The following AFF3 variants were observed in gnomAD, a reference collection of about 807,000 sequenced individuals.
The protein encoded by AFF3 is ALF transcription elongation factor 3, also known as AF4/FMR2 family member 3.
A neutral mutation model predicts 129.7 loss-of-function variants in AFF3; 32 were observed. The ratio of observed to expected loss-of-function variants is 0.25; its 90% CI spans 0.19 to 0.33. The LOEUF (loss-of-function observed/expected upper bound fraction) is 0.33, where lower values mean the gene tolerates loss of function less well. Among genes scored for constraint, AFF3 ranks in the 10% least tolerant of loss-of-function variants. AFF3 has a pLI of 1.00. For synonymous variants in AFF3, 644 were observed against 635.4 expected (o/e 1.01, Z -0.20); for missense variants, 1,373 against 1,592.0 (o/e 0.86, Z 2.34).
chr2:100,036,973 C>T (rs2105010189), intron 4 of AFF3, among the ~76,000 whole-genome samples: 1 of 152,264 alleles, frequency 6.6e-6, no homozygotes, highest in Admixed American at 6.5e-5. Context: ...GTCTCATGCG[C>T]TCCTGGTGAC....
chr2:99,572,304 C>CT (rs1242023388), intron 18 of AFF3, among the ~76,000 whole-genome samples: 1 of 128,688 alleles, frequency 7.8e-6, no homozygotes, highest in African/African-American at 3.1e-5. Flanking sequence ...CCCCCCCCCC[C>CT]CCACCTAGAA....
intron 7 of AFF3, among the ~76,000 whole-genome samples, chr2:99,929,019 A>T (rs1399014745): frequency 2.0e-5 from 3 of 152,322 alleles, no homozygotes; most frequent in Middle Eastern, 3.4e-3. Context: ...CTTTTAAAGA[A>T]GTAAAAAAAG....
intron 8 of AFF3, among the ~76,000 whole-genome samples, chr2:99,802,170 A>C (rs1306331785): frequency 6.6e-6 from 1 of 152,228 alleles, no homozygotes; most frequent in African/African-American, 2.4e-5. Flanking sequence ...TTTTAACTAA[A>C]AACACAATTT....
intron 8 of AFF3, among the ~76,000 whole-genome samples, chr2:99,823,653 T>C (rs1687853654): frequency 6.6e-6 from 1 of 152,218 alleles, no homozygotes; most frequent in Non-Finnish European, 1.5e-5. Flanking sequence ...TGAGTAGTCA[T>C]ATGTTCTTTG....
At chr2:99,740,185 GCCAC>G (rs1310228675) in intron 10 of AFF3, among the ~76,000 whole-genome samples, 63 of 150,808 alleles carry the variant, frequency 4.2e-4, no homozygotes, top group African/African-American at 1.5e-3. Context: ...GTGTATATGT[GCCAC>G]ATTTTCTTAA....
chr2:99,613,903 T>C lies in AFF3; in HGVS notation c.1185-12282A>G, dbSNP rs952522800. 2.6e-5 allele frequency among the ~76,000 whole-genome samples: 4 copies of C among 152,248 alleles called. No individual in the cohort carries two copies. The South Asian group carries it at 6.2e-4, about 24-fold the overall frequency. ...AGTCTTGTTTGATCAAATAGTCATT[T>C]AGAAGAATGCTTTTCAATACCTGAT... On this transcript the variant is annotated intron_variant, in intron 13 of 24. Coordinates refer to ENST00000672756, the MANE Select transcript of AFF3 (RefSeq NM_001386135.1).
intron 7 of AFF3, among the ~76,000 whole-genome samples, chr2:99,984,164 A>C (rs190148833): frequency 1.8e-4 from 27 of 152,304 alleles, no homozygotes; most frequent in Admixed American, 1.8e-3. Flanking sequence ...AAAATGTGAA[A>C]CTTCAAGTGT....
intron 7 of AFF3, among the ~76,000 whole-genome samples, chr2:99,941,899 T>C (rs988353801): frequency 6.6e-6 from 1 of 152,228 alleles, no homozygotes; most frequent in South Asian, 2.1e-4. Flanking sequence ...CTATACTTCA[T>C]GGTATGTGAA....
chr2:100,050,432 C>T (rs956450614), intron 4 of AFF3, among the ~76,000 whole-genome samples: 4 of 151,986 alleles, frequency 2.6e-5, no homozygotes, highest in African/African-American at 7.2e-5. Flanking sequence ...TCTTGCAGTT[C>T]AAGACTCCTG....
chr2:99,582,441 T>A (rs1677661961), intron 17 of AFF3, among the ~76,000 whole-genome samples: 1 of 152,198 alleles, frequency 6.6e-6, no homozygotes, highest in Non-Finnish European at 1.5e-5. Context: ...CAATCCCAGA[T>A]TTAACTCTGC....
chr2:100,142,385 G>A (rs564914838), intron 1 of AFF3, 99 bp downstream of exon 1: 1 of 152,242 alleles, frequency 6.6e-6, no homozygotes, highest in African/African-American at 2.4e-5. Flanking sequence ...CATGGGCACA[G>A]CTACTTAGAG....
chr2:99,983,566 T>C (rs1198564946), intron 7 of AFF3, among the ~76,000 whole-genome samples: 1 of 152,234 alleles, frequency 6.6e-6, no homozygotes, highest in Non-Finnish European at 1.5e-5. Context: ...TTGTTTGCCA[T>C]CTGAGGGGAG....
At chr2:100,095,589 C>G (rs914338024) in intron 4 of AFF3, among the ~76,000 whole-genome samples, 1 of 152,114 alleles carries the variant, frequency 6.6e-6, no homozygotes, top group Non-Finnish European at 1.5e-5. Flanking sequence ...TCTGGAATAC[C>G]CCCCATTGTT....
chr2:99,943,386 T>G (rs1451866554), intron 7 of AFF3, among the ~76,000 whole-genome samples: 1 of 152,216 alleles, frequency 6.6e-6, no homozygotes, highest in East Asian at 1.9e-4. Context: ...ATCTTTTGAT[T>G]TAGTTACTAT....
At chr2:100,120,290 C>A (rs1573460508) in intron 2 of AFF3, among the ~76,000 whole-genome samples, 1 of 152,172 alleles carries the variant, frequency 6.6e-6, no homozygotes, top group South Asian at 2.1e-4. Context: ...ACAGAATTTA[C>A]CCCCATTAAG....
At chr2:99,669,090 A>T (rs1023813918) in intron 12 of AFF3, among the ~76,000 whole-genome samples, 1 of 152,174 alleles carries the variant, frequency 6.6e-6, no homozygotes, top group Admixed American at 6.5e-5. Flanking sequence ...GACTGGTACA[A>T]CCATTTTGGA....
chr2:99,876,749 T>C (rs771842292), intron 7 of AFF3, among the ~76,000 whole-genome samples: 6 of 152,170 alleles, frequency 3.9e-5, no homozygotes, highest in Non-Finnish European at 8.8e-5. Context: ...GCCAAAATAC[T>C]TTCTCTTGGC....
intron 11 of AFF3, among the ~76,000 whole-genome samples, chr2:99,682,735 T>A (rs963802190): frequency 4.6e-5 from 7 of 152,190 alleles, no homozygotes; most frequent in Admixed American, 1.3e-4. Flanking sequence ...TTCCCCAGAA[T>A]CCCTGCCGAT....
At chr2:99,726,747 A>G (rs1679391402) in intron 11 of AFF3, among the ~76,000 whole-genome samples, 1 of 152,246 alleles carries the variant, frequency 6.6e-6, no homozygotes, top group African/African-American at 2.4e-5. Flanking sequence ...GTGGGACAGC[A>G]TACCTCCCAG....
Sources: allele counts gnomAD v4.1 joint callset (sites outside exome capture counted in the v4.1 genomes callset), GRCh38; gene constraint gnomAD v4.1.1; transcripts MANE v1.5; gene names NCBI Gene and HGNC (gene_info 2026-07-23, HGNC 2026-07-21).